The following MAML3 variants were observed in gnomAD, a reference collection of about 807,000 sequenced individuals.
MAML3 encodes mastermind-like protein 3.
MAML3 carries 27 observed loss-of-function variants against 101.9 expected under a neutral mutation model. The observed-to-expected ratio is 0.27, with a 90% confidence interval of 0.20 to 0.37. MAML3 has a LOEUF of 0.37. Among genes scored for constraint, MAML3 ranks in the 10% least tolerant of loss-of-function variants. MAML3 has a pLI of 1.00. For missense variants in MAML3, 1,316 were observed against 1,444.9 expected, an observed-to-expected ratio of 0.91 and a Z score of 1.45; for synonymous variants, 501 against 555.9, an observed-to-expected ratio of 0.90 and a Z score of 1.39.
At chr4:140,060,613 A>C (rs1047180137) in intron 1 of MAML3, among the ~76,000 whole-genome samples, 2 of 152,074 alleles carry the variant, frequency 1.3e-5, no homozygotes, top group Non-Finnish European at 2.9e-5. Flanking sequence ...GAAAGTTAAC[A>C]GTCTTGCTTA....
intron 1 of MAML3, among the ~76,000 whole-genome samples, chr4:140,144,584 A>G (rs1181461480): frequency 6.6e-6 from 1 of 151,964 alleles, no homozygotes; most frequent in Non-Finnish European, 1.5e-5. Context: ...GGAATCCTAC[A>G]GTAAATCCAT....
At chr4:139,819,525 A>C (rs1251625618) in intron 2 of MAML3, among the ~76,000 whole-genome samples, 2 of 152,104 alleles carry the variant, frequency 1.3e-5, no homozygotes, top group Non-Finnish European at 2.9e-5. Context: ...TGATGTCTAC[A>C]ATCATTTGAT....
Position 139,844,005 on chromosome 4 carries a change from G to C in MAML3, c.2079+45352C>G, listed in dbSNP as rs549114238. On this transcript the variant is annotated intron_variant, in intron 2 of 4. Transcript: ENST00000509479. The stretch of plus-strand genomic sequence containing the variant: ...TATAATGACTCCATATCCCAAATGA[G>C]TCCTAAGAACATTCTGAATCAGCTA... Among the ~76,000 whole-genome samples the C allele has an allele frequency of 3.3e-5, 5 of 152,300 alleles. No homozygotes were observed. The South Asian group carries it at 8.3e-4, about 25-fold the overall frequency.
intron 1 of MAML3, among the ~76,000 whole-genome samples, chr4:139,963,764 T>A (rs562680001): frequency 6.6e-6 from 1 of 152,238 alleles, no homozygotes; most frequent in Admixed American, 6.5e-5. Flanking sequence ...TGTTTCCTCA[T>A]ACCTCAAATT....
chr4:139,771,493 C>T (rs1729979653), intron 2 of MAML3, among the ~76,000 whole-genome samples: 1 of 152,188 alleles, frequency 6.6e-6, no homozygotes, highest in South Asian at 2.1e-4. Context: ...ATACTTTTCT[C>T]TCATTAGCAA....
chr4:139,966,255 A>G (rs1734128597), intron 1 of MAML3, among the ~76,000 whole-genome samples: 1 of 152,160 alleles, frequency 6.6e-6, no homozygotes, highest in Non-Finnish European at 1.5e-5. Flanking sequence ...TCGAAAATGA[A>G]TCTTCTAAAG....
At chr4:139,879,174 T>G (rs908405463) in intron 2 of MAML3, among the ~76,000 whole-genome samples, 2 of 152,134 alleles carry the variant, frequency 1.3e-5, no homozygotes, top group Admixed American at 1.3e-4. Context: ...TTGCTTTTTG[T>G]TTGTTTGTTT....
intron 2 of MAML3, among the ~76,000 whole-genome samples, chr4:139,805,918 T>A (rs538350075): frequency 9.9e-5 from 15 of 152,084 alleles, no homozygotes; most frequent in Non-Finnish European, 1.8e-4. Flanking sequence ...TAAGAATTCA[T>A]TATCTGTTAA....
In MAML3 at chr4:140,140,254, G is replaced by A. The variant is rs1474585338; in HGVS notation, c.468+12606C>T. Among the ~76,000 whole-genome samples, 9 of 152,258 alleles carry A rather than the reference G, an allele frequency of 5.9e-5. No individual in the cohort carries two copies. In the South Asian group the frequency reaches 1.7e-3, roughly 28 times the overall value. ...CAAGAGAATTGCCTGAACCCAGGAG[G>A]CAGAGGTTGTAGTGAGCGAAGACCG... On this transcript the variant is annotated intron_variant, in intron 1 of 4. Transcript: ENST00000509479.
In MAML3 at chr4:139,779,756, G is replaced by T. The variant is rs188157209; in HGVS notation, c.2080-49089C>A. Among the ~76,000 whole-genome samples, 1,043 of 152,308 alleles carry T rather than the reference G, an allele frequency of 6.8e-3. 10 individuals are homozygous for T. The highest frequency in any genetic ancestry group is 8.7e-3 in the Non-Finnish European group (594 of 68,030). On this transcript the variant is annotated intron_variant, in intron 2 of 4. Coordinates refer to ENST00000509479, the MANE Select transcript of MAML3 (RefSeq NM_018717.5). ...TTTCATTTTCAGCCACAGCTGGCCA[G>T]ATTGCTTTTTGGAAAATAAAAGTCA... is the stretch of plus-strand genomic sequence containing the variant.
In MAML3 at chr4:139,889,848, C is replaced by G; in HGVS notation, c.1588G>C (p.Ala530Pro). The G allele has an allele frequency of 6.2e-7, 1 of 1,613,852 alleles. No individual in the cohort carries two copies. Among genetic ancestry groups the G allele is most frequent in the Non-Finnish European group, 8.5e-7 (1 of 1,179,894 alleles). ...TTTGGTTTTTCTGCAGTAAAAGCTG[C>G]TCCATATGGACTAGAGGGAGGTCCT... ...PLGPPSSPYG[A>P]AFTAEKPNSP... Residue 530 changes from alanine to proline, a missense_variant, in exon 2 of 5, where the codon GCA becomes CCA. Transcript: ENST00000509479.
intron 2 of MAML3, among the ~76,000 whole-genome samples, chr4:139,753,507 G>A: frequency 6.6e-6 from 1 of 152,106 alleles, no homozygotes; most frequent in African/African-American, 2.4e-5. Context: ...GAGTTTCAGA[G>A]GCTGGTAGGA....
intron 1 of MAML3, among the ~76,000 whole-genome samples, chr4:140,037,525 C>T (rs1727005697): frequency 6.6e-6 from 1 of 152,188 alleles, no homozygotes. Context: ...GAGTAATGCC[C>T]TATGTCTACA....
intron 1 of MAML3, among the ~76,000 whole-genome samples, chr4:140,091,635 T>C (rs954269940): frequency 6.6e-6 from 1 of 151,594 alleles, no homozygotes; most frequent in African/African-American, 2.4e-5. Flanking sequence ...AGATAGTACT[T>C]GTAAGGTATT....
At chr4:139,866,846 AT>A (rs1430753985) in intron 2 of MAML3, among the ~76,000 whole-genome samples, 2 of 152,298 alleles carry the variant, frequency 1.3e-5, no homozygotes, top group East Asian at 3.9e-4. Context: ...AGCATACACA[AT>A]TTAGTACTTG....
chr4:139,864,688 A>AAG (rs1184795080), intron 2 of MAML3, among the ~76,000 whole-genome samples: 3 of 150,032 alleles, frequency 2.0e-5, no homozygotes, highest in African/African-American at 7.3e-5. Context: ...AAAAAAAAAA[A>AAG]AAAAAAAAAA....
chr4:139,952,561 A>G (rs1257714806), intron 1 of MAML3, among the ~76,000 whole-genome samples: 3 of 152,172 alleles, frequency 2.0e-5, no homozygotes, highest in African/African-American at 7.2e-5. Context: ...TGCAGTTAAA[A>G]AAAAACAAAA....
intron 1 of MAML3, among the ~76,000 whole-genome samples, chr4:140,018,120 T>C (rs1015339968): frequency 6.6e-6 from 1 of 152,214 alleles, no homozygotes; most frequent in African/African-American, 2.4e-5. Context: ...GGTGTAGCTA[T>C]CTCCAATTCA....
chr4:140,036,243 C>T (rs1726984882), intron 1 of MAML3, among the ~76,000 whole-genome samples: 1 of 152,204 alleles, frequency 6.6e-6, no homozygotes, highest in African/African-American at 2.4e-5. Flanking sequence ...GGAACATCTA[C>T]CAATGGCCCC....
Sources: gnomAD v4.1 joint callset for allele counts (sites outside exome capture counted in the v4.1 genomes callset) on GRCh38, gnomAD v4.1.1 for gene constraint, MANE v1.5 for transcripts, NCBI Gene and HGNC (gene_info 2026-07-23, HGNC 2026-07-21) for gene names.